The following CEP350 variants were observed in gnomAD, a reference collection of about 807,000 sequenced individuals.
The protein encoded by CEP350 is centrosome-associated protein 350.
A neutral mutation model predicts 331.8 loss-of-function variants in CEP350; 126 were observed. The ratio of observed to expected loss-of-function variants is 0.38; its 90% confidence interval spans 0.33 to 0.44. The LOEUF (loss-of-function observed/expected upper bound fraction) is 0.44, where lower values mean the gene tolerates loss of function less well. Ranked by LOEUF, CEP350 falls within the 20% of genes least tolerant of loss-of-function variation. The pLI is 1.00. For synonymous variants in CEP350, 1,200 were observed against 1,259.5 expected, an observed-to-expected ratio of 0.95 and a Z score of 1.00; for missense variants, 3,406 against 3,634.6, an observed-to-expected ratio of 0.94 and a Z score of 1.62.
At chr1:180,052,408 T>C (rs1657568029) in intron 22 of CEP350, 1 of 339,088 alleles carries the variant, frequency 2.9e-6, no homozygotes, top group East Asian at 9.0e-5. Flanking sequence ...AATAGCTGAT[T>C]CTAGGGCTGT....
At chr1:179,965,826 A>G (rs1025165326) in intron 1 of CEP350, among the ~76,000 whole-genome samples, 4 of 151,664 alleles carry the variant, frequency 2.6e-5, no homozygotes, top group African/African-American at 7.3e-5. Flanking sequence ...GGGTTTCACC[A>G]TGTTGGCCAG....
intron 28 of CEP350, among the ~76,000 whole-genome samples, chr1:180,077,996 G>C (rs1659338395): frequency 6.6e-6 from 1 of 152,096 alleles, no homozygotes. Context: ...AGCTGGGTGT[G>C]GTGGCATGTG....
At chr1:180,018,725 G>C (rs896948653) in intron 11 of CEP350, among the ~76,000 whole-genome samples, 2 of 152,050 alleles carry the variant, frequency 1.3e-5, no homozygotes, top group Non-Finnish European at 2.9e-5. Context: ...TCATAATTTG[G>C]TCATTTGTTG....
In CEP350 at chr1:180,098,927, A is replaced by G. The variant is rs760548598; in HGVS notation, c.9131A>G (p.Asp3044Gly). ...AAAAAGGAGCCAAACCACAAAACAG[A>G]TTGGCAGAAAATGATGAAATTTGGA... ...SLKKEPNHKT[D>G]WQKMMKFGRK... The change falls in exon 37 of 38, where the codon GAT becomes GGT. Residue 3044 changes from aspartate to glycine, a missense_variant. By Grantham distance (94) the Asp-to-Gly change is moderately conservative. Transcript: ENST00000367607. 6.2e-7 allele frequency: 1 copy of G among 1,613,594 alleles called. No homozygotes were observed. The highest frequency in any genetic ancestry group is 1.1e-5 in the South Asian group (1 of 91,064).
intron 11 of CEP350, among the ~76,000 whole-genome samples, chr1:180,016,461 T>G (rs1278374174): frequency 6.6e-6 from 1 of 152,136 alleles, no homozygotes; most frequent in Non-Finnish European, 1.5e-5. Context: ...TATTTTACCT[T>G]AAAATACTTT....
At chr1:179,956,635 G>A (rs1020096671) in intron 1 of CEP350, among the ~76,000 whole-genome samples, 2 of 152,140 alleles carry the variant, frequency 1.3e-5, no homozygotes, top group African/African-American at 4.8e-5. Context: ...AGGAGATGAA[G>A]TACTGCTATA....
intron 26 of CEP350, among the ~76,000 whole-genome samples, chr1:180,064,804 G>A (rs576960049): frequency 4.6e-5 from 7 of 151,882 alleles, no homozygotes; most frequent in African/African-American, 9.7e-5. Context: ...CAGAGAGGAT[G>A]TGCAGATACT....
intron 8 of CEP350, 78 bp from the exon 9 acceptor site, chr1:180,011,851 A>G: frequency 1.1e-6 from 1 of 952,374 alleles, no homozygotes; most frequent in Non-Finnish European, 1.5e-6. Flanking sequence ...GATTAATAAT[A>G]AAACCTGTAT....
At chr1:180,095,484 C>T in intron 34 of CEP350, 39 bp from the exon 35 acceptor site, 1 of 1,558,086 alleles carries the variant, frequency 6.4e-7, no homozygotes, top group Non-Finnish European at 8.7e-7. Flanking sequence ...ATATGAGGTC[C>T]CTAAATGGTG....
intron 1 of CEP350, among the ~76,000 whole-genome samples, chr1:179,967,452 C>T (rs2148571434): frequency 6.6e-6 from 1 of 152,244 alleles, no homozygotes; most frequent in African/African-American, 2.4e-5. Context: ...CACTCTGTCG[C>T]CCAGGAGGGA....
chr1:180,080,791 G>A, intron 30 of CEP350, 130 bp downstream of exon 30: 2 of 760,270 alleles, frequency 2.6e-6, no homozygotes, highest in South Asian at 3.0e-5. Flanking sequence ...GTAGGATTGT[G>A]AAGAAGATTA....
At chr1:180,027,493 C>T (rs934354508) in intron 14 of CEP350, among the ~76,000 whole-genome samples, 1 of 152,096 alleles carries the variant, frequency 6.6e-6, no homozygotes, top group Admixed American at 6.5e-5. Context: ...TCCATCAGTC[C>T]TTCCACTCAG....
At chr1:180,057,928 T>G (rs756540919) in intron 25 of CEP350, among the ~76,000 whole-genome samples, 1 of 152,240 alleles carries the variant, frequency 6.6e-6, no homozygotes, top group Non-Finnish European at 1.5e-5. Context: ...TATGTGCTAC[T>G]TCAGAACTTG....
intron 1 of CEP350, among the ~76,000 whole-genome samples, chr1:179,963,530 G>T (rs1372347658): frequency 6.6e-6 from 1 of 151,880 alleles, no homozygotes. Context: ...TTCTGCACAT[G>T]CTAGCCAGTT....
intron 1 of CEP350, among the ~76,000 whole-genome samples, chr1:179,969,771 CAAT>C (rs1029991401): frequency 2.0e-5 from 3 of 151,940 alleles, no homozygotes; most frequent in Admixed American, 6.6e-5. Flanking sequence ...GCCTGGGCAA[CAAT>C]GAGACCCTGT....
At chr1:180,037,945 G>A (rs184707303) in intron 17 of CEP350, among the ~76,000 whole-genome samples, 9 of 152,260 alleles carry the variant, frequency 5.9e-5, no homozygotes, top group Non-Finnish European at 1.2e-4. Context: ...CACCGCGCCT[G>A]GCCCAGTTTT....
chr1:180,069,188 C>G (rs1277300789), intron 27 of CEP350, among the ~76,000 whole-genome samples: 1 of 152,192 alleles, frequency 6.6e-6, no homozygotes, highest in Non-Finnish European at 1.5e-5. Context: ...AGTCACAAAA[C>G]ATTTTAAATA....
Position 180,011,942 on chromosome 1 carries a change from T to G in CEP350, c.1260T>G (p.Leu420=). The G allele has an allele frequency of 2.5e-6, 4 of 1,600,168 alleles. No homozygotes were observed. The highest frequency in any genetic ancestry group is 3.4e-6 in the Non-Finnish European group (4 of 1,172,874). ...STECRTGSSH[L]ISTSSWRDGQ... ...GTATTTTTTTAGGTAGTAGTCATCT[T>G]ATAAGTACATCTTCTTGGCGAGATG... Residue 420 remains leucine, a synonymous_variant, in exon 9 of 38, where the codon CTT becomes CTG. Coordinates refer to ENST00000367607, the MANE Select transcript of CEP350 (RefSeq NM_014810.5).
chr1:179,957,578 A>G (rs574959983), intron 1 of CEP350, among the ~76,000 whole-genome samples: 11 of 152,322 alleles, frequency 7.2e-5, no homozygotes, highest in Admixed American at 5.9e-4. Context: ...AATAAATACT[A>G]ATTGAAGAAA....
Sources: allele counts gnomAD v4.1 joint callset (sites outside exome capture counted in the v4.1 genomes callset), GRCh38; gene constraint gnomAD v4.1.1; transcripts MANE v1.5; gene names NCBI Gene and HGNC (gene_info 2026-07-23, HGNC 2026-07-21).